RBPMS: variants seen among roughly 807,000 people sequenced by gnomAD.
RBPMS encodes RNA-binding protein with multiple splicing.
Under a neutral mutation model 26.8 loss-of-function variants are expected in RBPMS, and 7 were observed. The observed-to-expected ratio is 0.26, with a 90% CI of 0.15 to 0.49. The LOEUF (loss-of-function observed/expected upper bound fraction) is 0.49. Among genes scored for constraint, RBPMS ranks in the 20% least tolerant of loss-of-function variants. The pLI, the probability that RBPMS is intolerant of heterozygous loss-of-function variation, is 0.98. For synonymous variants in RBPMS, 96 were observed against 93.3 expected, an observed-to-expected ratio of 1.03 and a Z score of -0.17; for missense variants, 186 against 250.0, an observed-to-expected ratio of 0.74 and a Z score of 1.73.
At chr8:30,556,363 T>C in intron 6 of RBPMS, 1 of 985,590 alleles carries the variant, frequency 1.0e-6, no homozygotes, top group Non-Finnish European at 1.2e-6. Flanking sequence ...TCCCCAACCC[T>C]GCAGGCACCT....
chr8:30,463,389 C>A (rs1816159715), intron 1 of RBPMS, among the ~76,000 whole-genome samples: 1 of 152,190 alleles, frequency 6.6e-6, no homozygotes, highest in Non-Finnish European at 1.5e-5. Context: ...CGTGGGAGAT[C>A]TGCTTCTAAG....
At chr8:30,436,987 A>G (rs1585453982) in intron 1 of RBPMS, among the ~76,000 whole-genome samples, 1 of 150,344 alleles carries the variant, frequency 6.7e-6, no homozygotes, top group African/African-American at 2.5e-5. Context: ...CAGTGGCGCA[A>G]TCTCGGCTCA....
rs551377212 is a variant in RBPMS at position 30,458,623 on chromosome 8, C to T, written c.67-16156C>T. Among the ~76,000 whole-genome samples, 110 of 152,266 alleles carry T rather than the reference C, an allele frequency of 7.2e-4. 2 individuals are homozygous for T. The South Asian group carries it at 0.019, about 27-fold the overall frequency. On this transcript the variant is annotated intron_variant, in intron 1 of 8. Coordinates refer to ENST00000397323, the MANE Select transcript of RBPMS (RefSeq NM_001008710.3). ...TTAGTCATGGCTGTTAGGTCAGTGT[C>T]TGTGATGAACTGGTTGCACATCAGT...
At position 30,547,416 on chromosome 8, in the gene RBPMS, C is replaced by T. The variant is rs201977135; in HGVS notation, c.528+2792C>T. 1.2e-4 allele frequency: 187 copies of T among 1,593,086 alleles called. 1 individual carries two copies. Among genetic ancestry groups the T allele is most frequent in the Non-Finnish European group, 1.5e-4 (177 of 1,173,956 alleles). On this transcript the variant is annotated intron_variant, in intron 6 of 8. Transcript: ENST00000397323. ...ACTGCAGACCAGCAGAGGGAGCTCC[C>T]ATGTTGAATTTGTTTGTTAGCTATT...
chr8:30,428,774 TA>T (rs1811630482), intron 1 of RBPMS, among the ~76,000 whole-genome samples: 1 of 152,044 alleles, frequency 6.6e-6, no homozygotes, highest in Non-Finnish European at 1.5e-5. Context: ...TGTGGGAATA[TA>T]AGGCTTTTTT....
In RBPMS at chr8:30,514,680, C is replaced by CTTTTTTTTTTTTTTT. The variant is rs577244764; in HGVS notation, c.397+10253_397+10267dup. Among the ~76,000 whole-genome samples, 32 of 82,644 alleles carry CTTTTTTTTTTTTTTT rather than the reference C, an allele frequency of 3.9e-4. 4 individuals are homozygous for CTTTTTTTTTTTTTTT. Among genetic ancestry groups the CTTTTTTTTTTTTTTT allele is most frequent in the Non-Finnish European group, 4.5e-4 (20 of 43,998 alleles). The allele number at this position is 82,644 out of a possible 152,430, so 54.2% of individuals were successfully genotyped here. On this transcript the variant is annotated intron_variant, in intron 5 of 8. Coordinates refer to ENST00000397323, the MANE Select transcript of RBPMS (RefSeq NM_001008710.3). ...TACGGGTGCGAGCCACCATGCCGGG[C>CTTTTTTTTTTTTTTT]TTTTTTTTTTTTTTTTTTTTTTTAA...
intron 6 of RBPMS, among the ~76,000 whole-genome samples, chr8:30,555,010 T>G (rs1826733926): frequency 6.6e-6 from 1 of 152,194 alleles, no homozygotes; most frequent in South Asian, 2.1e-4. Context: ...GGTCTTCCTG[T>G]CCTTGGCATC....
chr8:30,497,709 C>T (rs1820128635), intron 4 of RBPMS, among the ~76,000 whole-genome samples: 2 of 151,930 alleles, frequency 1.3e-5, no homozygotes, highest in Non-Finnish European at 1.5e-5. Context: ...CTCCACCTCC[C>T]GGGTTCACAC....
chr8:30,416,397 T>A (rs1375268157), intron 1 of RBPMS, among the ~76,000 whole-genome samples: 1 of 151,608 alleles, frequency 6.6e-6, no homozygotes, highest in Non-Finnish European at 1.5e-5. Flanking sequence ...AGTGGTGTGA[T>A]CTCTGCCCAC....
intron 1 of RBPMS, among the ~76,000 whole-genome samples, chr8:30,424,937 A>G (rs1811188056): frequency 6.6e-6 from 1 of 151,966 alleles, no homozygotes; most frequent in African/African-American, 2.4e-5. Context: ...TTAAATATTA[A>G]CTTTTTATTC....
At chr8:30,480,815 A>G (rs2150850309) in intron 4 of RBPMS, among the ~76,000 whole-genome samples, 1 of 152,384 alleles carries the variant, frequency 6.6e-6, no homozygotes, top group African/African-American at 2.4e-5. Context: ...CCACAATTTC[A>G]ATTTAGCAGT....
chr8:30,552,288 A>G (rs1826454361), intron 6 of RBPMS: 1 of 152,238 alleles, frequency 6.6e-6, no homozygotes, highest in Non-Finnish European at 1.5e-5. Flanking sequence ...TGGAAACAAA[A>G]CCAAGGCCAC....
chr8:30,520,282 G>A (rs541018974), intron 5 of RBPMS, among the ~76,000 whole-genome samples: 24 of 152,246 alleles, frequency 1.6e-4, no homozygotes, highest in African/African-American at 3.9e-4. Context: ...CAAATTTTCC[G>A]CCTAAGACAT....
intron 1 of RBPMS, among the ~76,000 whole-genome samples, chr8:30,462,872 C>G (rs1816085580): frequency 6.6e-6 from 1 of 151,998 alleles, no homozygotes; most frequent in Non-Finnish European, 1.5e-5. Flanking sequence ...GGGGTGCTGG[C>G]CAGAGTGAAA....
intron 4 of RBPMS, among the ~76,000 whole-genome samples, chr8:30,481,550 T>C (rs1293342017): frequency 6.6e-6 from 1 of 152,178 alleles, no homozygotes; most frequent in African/African-American, 2.4e-5. Flanking sequence ...TCCATTCTTT[T>C]TTTTTTTCAC....
In RBPMS at chr8:30,549,361, G is replaced by A. The variant is rs1034746369; in HGVS notation, c.528+4737G>A. 26 of 708,910 alleles carry A rather than the reference G, an allele frequency of 3.7e-5. No homozygotes were observed. The African/African-American group carries it at 4.2e-4, about 11-fold the overall frequency. The allele number at this position is 708,910 out of a possible 1,614,324, so 43.9% of individuals were successfully genotyped here. On this transcript the variant is annotated intron_variant, in intron 6 of 8. Coordinates refer to ENST00000397323, the MANE Select transcript of RBPMS (RefSeq NM_001008710.3). ...TACTGTCTGCTCCAGAGCTGTGGCT[G>A]TGGCTATCCGGAAAACGACAGCTTT... is the stretch of plus-strand genomic sequence containing the variant.
chr8:30,439,104 GTTTACC>G (rs1812794105), intron 1 of RBPMS, among the ~76,000 whole-genome samples: 1 of 152,166 alleles, frequency 6.6e-6, no homozygotes, highest in South Asian at 2.1e-4. Context: ...GAATATCTGA[GTTTACC>G]TTTAAGCGTC....
intron 5 of RBPMS, among the ~76,000 whole-genome samples, chr8:30,519,459 T>C (rs1247504870): frequency 6.5e-4 from 1 of 1,548 alleles, no homozygotes; most frequent in Non-Finnish European, 0.01. Context: ...GATCTCTCTC[T>C]TTTTTTTTTT....
intron 4 of RBPMS, among the ~76,000 whole-genome samples, chr8:30,498,820 TGG>T (rs1238324189): frequency 1.3e-5 from 2 of 152,096 alleles, no homozygotes; most frequent in African/African-American, 4.8e-5. Flanking sequence ...GGTGTTAGAT[TGG>T]AATTGGAGCT....
Sources: gnomAD v4.1 joint callset for allele counts (sites outside exome capture counted in the v4.1 genomes callset) on GRCh38, gnomAD v4.1.1 for gene constraint, MANE v1.5 for transcripts, NCBI Gene and HGNC (gene_info 2026-07-23, HGNC 2026-07-21) for gene names.